Variants in PLCD4 observed in about 807,000 individuals in gnomAD.
PLCD4 encodes phospholipase C delta 4.
Under a neutral mutation model 90.2 loss-of-function variants are expected in PLCD4, and 63 were observed. That is an observed-to-expected ratio of 0.70 (90% CI 0.57 to 0.86). The LOEUF (loss-of-function observed/expected upper bound fraction) is 0.86, where lower values mean the gene tolerates loss of function less well. Among genes scored for constraint, PLCD4 ranks in the 40% least tolerant of loss-of-function variants. The pLI, the probability that PLCD4 is intolerant of heterozygous loss-of-function variation, is 0.00. For synonymous variants in PLCD4, 294 were observed against 356.5 expected, an observed-to-expected ratio of 0.82 and a Z score of 1.97; for missense variants, 830 against 956.3, an observed-to-expected ratio of 0.87 and a Z score of 1.74.
At chr2:218,627,277 ATAAAT>A (rs1053641625) in intron 6 of PLCD4, among the ~76,000 whole-genome samples, 17 of 151,608 alleles carry the variant, frequency 1.1e-4, no homozygotes, top group Admixed American at 7.9e-4. Flanking sequence ...AAATAAATAA[ATAAAT>A]TAAATTAAAT....
intron 1 of PLCD4, among the ~76,000 whole-genome samples, chr2:218,612,129 C>T (rs1045192699): frequency 3.4e-5 from 5 of 148,882 alleles, no homozygotes; most frequent in South Asian, 2.1e-4. Flanking sequence ...AGGATGGTCT[C>T]GATCTCTTGA....
chr2:218,636,035 A>G (rs1575046857), intron 14 of PLCD4, 104 bp downstream of exon 14: 1 of 1,543,554 alleles, frequency 6.5e-7, no homozygotes, highest in East Asian at 2.3e-5. Context: ...ATGTCCCCAC[A>G]TGGGAGGCAG....
chr2:218,636,100 G>A (rs766418301), intron 14 of PLCD4, 143 bp from the exon 15 acceptor site: 319 of 1,366,058 alleles, frequency 2.3e-4, no homozygotes, highest in Non-Finnish European at 2.9e-4. Context: ...AGTGACCTGG[G>A]CAAATTACTT....
chr2:218,616,921 TATATATAGAGAGAGAGAGAGAG>T (rs1358729408), intron 3 of PLCD4, among the ~76,000 whole-genome samples: 6 of 24,942 alleles, frequency 2.4e-4, no homozygotes, highest in African/African-American at 7.8e-4. Flanking sequence ...TATATATATA[TATATATAGAGAGAGAGAGAGAG>T]AGAGAGAGAG....
intron 3 of PLCD4, among the ~76,000 whole-genome samples, chr2:218,618,302 G>C (rs1202482565): frequency 6.6e-6 from 1 of 152,214 alleles, no homozygotes; most frequent in Non-Finnish European, 1.5e-5. Flanking sequence ...ATTTTGGTTT[G>C]TGTCATACTG....
At chr2:218,620,112 T>C (rs1695803671) in intron 4 of PLCD4, among the ~76,000 whole-genome samples, 1 of 152,050 alleles carries the variant, frequency 6.6e-6, no homozygotes, top group Admixed American at 6.5e-5. Context: ...ACTCCTGGGC[T>C]CAAGTGGTCC....
chr2:218,624,592 G>T (rs535908401), intron 6 of PLCD4, among the ~76,000 whole-genome samples: 11 of 151,976 alleles, frequency 7.2e-5, no homozygotes, highest in Non-Finnish European at 1.3e-4. Flanking sequence ...GGTGGTGCAC[G>T]CTTGTAATTC....
Position 218,629,569 on chromosome 2 carries a change from C to A in PLCD4, c.1025C>A (p.Pro342His). The A allele has an allele frequency of 6.2e-7, 1 of 1,613,738 alleles. No homozygotes were observed. ...RCVEVDVWDG[P>H]SGEPVVYHGH... ...GTGGAGGTGGATGTATGGGATGGAC[C>A]TAGCGGGGAACCTGTCGTTTACCAC... The change falls in exon 8 of 16, where the codon CCT becomes CAT. Residue 342 changes from proline to histidine, a missense_variant. Physicochemically the swap from Pro to His is moderately conservative, Grantham distance 77. Coordinates refer to ENST00000450993, the MANE Select transcript of PLCD4 (RefSeq NM_032726.4).
chr2:218,609,817 G>A (rs1256483744), intron 1 of PLCD4: 1 of 152,270 alleles, frequency 6.6e-6, no homozygotes, highest in Admixed American at 6.5e-5. Context: ...CTGGACCACA[G>A]TCTCAAAATT....
chr2:218,631,986 A>G (rs1378668360), intron 9 of PLCD4, 150 bp from the exon 10 acceptor site: 11 of 728,956 alleles, frequency 1.5e-5, no homozygotes, highest in East Asian at 2.8e-5. Flanking sequence ...GGGAATTCCA[A>G]TTGTATGTAT....
intron 4 of PLCD4, among the ~76,000 whole-genome samples, chr2:218,621,249 C>A (rs1695865059): frequency 6.6e-6 from 1 of 152,166 alleles, no homozygotes; most frequent in African/African-American, 2.4e-5. Flanking sequence ...AGATTTCTTT[C>A]TGCAGGCAAC....
intron 6 of PLCD4, among the ~76,000 whole-genome samples, chr2:218,627,614 G>T (rs1477903231): frequency 1.3e-5 from 2 of 151,832 alleles, no homozygotes; most frequent in East Asian, 3.9e-4. Context: ...CCGGGTTCAC[G>T]CCATTCTCCT....
intron 6 of PLCD4, among the ~76,000 whole-genome samples, chr2:218,626,629 CATT>C (rs942279875): frequency 9.9e-5 from 15 of 152,218 alleles, no homozygotes; most frequent in South Asian, 4.1e-4. Context: ...AACTGTTAGT[CATT>C]GTTGTTGTTG....
chr2:218,618,551 A>G (rs1430645889), intron 3 of PLCD4, 28 bp from the exon 4 acceptor site: 1 of 1,596,598 alleles, frequency 6.3e-7, no homozygotes. Flanking sequence ...CCCTTCCTTA[A>G]TGCCTCCACC....
intron 1 of PLCD4, among the ~76,000 whole-genome samples, chr2:218,611,027 C>T (rs1695311278): frequency 6.6e-6 from 1 of 152,124 alleles, no homozygotes; most frequent in African/African-American, 2.4e-5. Context: ...CGTGCCCGGC[C>T]AGAGACCTTG....
chr2:218,632,179 T>A lies in PLCD4; in HGVS notation c.1316T>A (p.Leu439His), dbSNP rs746175607. Residue 439 changes from leucine (L) to histidine (H), a missense_variant, in exon 10 of 16, where the codon CTT (leucine) becomes CAT (histidine). Physicochemically the swap from Leu to His is moderately conservative, Grantham distance 99 (BLOSUM62 -3). Coordinates refer to ENST00000450993, the MANE Select transcript of PLCD4 (RefSeq NM_032726.4). The part of the protein sequence containing the change: ...KILVKGKKLT[L>H]EEDLEYEEEE... Reference sequence around the variant, plus strand: ...CTGGTGAAGGGGAAGAAGTTAACACTTGAGGAAGACCTGGAATATGAGGAA... The same window carrying A: ...CTGGTGAAGGGGAAGAAGTTAACACATGAGGAAGACCTGGAATATGAGGAA... The A allele has an allele frequency of 6.2e-7, 1 of 1,610,814 alleles. No homozygotes were observed.
At chr2:218,630,625 C>T in intron 8 of PLCD4, 25 bp from the exon 9 acceptor site, 2 of 1,613,880 alleles carry the variant, frequency 1.2e-6, no homozygotes, top group Non-Finnish European at 1.7e-6. Flanking sequence ...ACTCTGAATC[C>T]ATTGTTCCCT....
chr2:218,619,317 G>A (rs544110668), intron 4 of PLCD4, among the ~76,000 whole-genome samples: 5 of 149,886 alleles, frequency 3.3e-5, no homozygotes, highest in South Asian at 2.1e-4. Context: ...TTTTTGATAC[G>A]GAGTCTTGCT....
At chr2:218,609,235 C>T (rs1695227446) in intron 1 of PLCD4, 2 of 152,058 alleles carry the variant, frequency 1.3e-5, no homozygotes, top group Admixed American at 1.3e-4. Flanking sequence ...TAGGCATAAT[C>T]CTTCTCAGAA....
Sources: allele counts gnomAD v4.1 joint callset (sites outside exome capture counted in the v4.1 genomes callset), GRCh38; gene constraint gnomAD v4.1.1; transcripts MANE v1.5; gene names NCBI Gene and HGNC (gene_info 2026-07-23, HGNC 2026-07-21).